The following MGAT4C variants were observed in gnomAD, a reference collection of about 807,000 sequenced individuals.
MGAT4C encodes MGAT4 family member C.
Under a neutral mutation model 40.1 loss-of-function variants are expected in MGAT4C, and 19 were observed. That is an observed-to-expected ratio of 0.47 (90% confidence interval 0.33 to 0.70). The LOEUF is 0.70. Among genes scored for constraint, MGAT4C ranks in the 30% least tolerant of loss-of-function variants. The pLI, the probability that MGAT4C is intolerant of heterozygous loss-of-function variation, is 0.02. For synonymous variants in MGAT4C, 181 were observed against 187.1 expected (o/e 0.97, Z 0.27); for missense variants, 491 against 563.2 (o/e 0.87, Z 1.30).
At chr12:86,012,122 T>G (rs1391613453) in intron 2 of MGAT4C, among the ~76,000 whole-genome samples, 1 of 152,244 alleles carries the variant, frequency 6.6e-6, no homozygotes, top group Non-Finnish European at 1.5e-5. Context: ...TTGAGTGAAC[T>G]ATTTCTCAGG....
At chr12:86,199,874 AAT>A (rs1949974239) in intron 1 of MGAT4C, among the ~76,000 whole-genome samples, 1 of 152,144 alleles carries the variant, frequency 6.6e-6, no homozygotes, top group Admixed American at 6.5e-5. Context: ...TTTATAAATT[AAT>A]GTTAATATTT....
chr12:86,566,748 C>G (rs1459759497), intron 2 of MGAT4C, among the ~76,000 whole-genome samples: 1 of 138,754 alleles, frequency 7.2e-6, no homozygotes, highest in Non-Finnish European at 1.5e-5. Context: ...TACAATGTAT[C>G]TGTGTGTGTG....
intron 1 of MGAT4C, among the ~76,000 whole-genome samples, chr12:86,173,144 C>A (rs757577058): frequency 6.6e-6 from 1 of 152,088 alleles, no homozygotes; most frequent in South Asian, 2.1e-4. Context: ...GGCAAGAGAC[C>A]GAATAACCTA....
intron 4 of MGAT4C, among the ~76,000 whole-genome samples, chr12:86,281,256 A>C (rs1252556216): frequency 1.3e-5 from 2 of 152,010 alleles, no homozygotes; most frequent in Non-Finnish European, 2.9e-5. Flanking sequence ...TTACATTGGT[A>C]TACTTTCATT....
intron 1 of MGAT4C, among the ~76,000 whole-genome samples, chr12:86,181,608 G>T (rs1416745040): frequency 1.3e-5 from 2 of 152,044 alleles, no homozygotes; most frequent in Non-Finnish European, 2.9e-5. Flanking sequence ...ACTTATGTAA[G>T]CAATTCTACA....
In MGAT4C at chr12:86,003,973, TTAAGA is replaced by T. The variant is rs1287291007; in HGVS notation, c.-6-14426_-6-14422del. On this transcript the variant is annotated intron_variant, in intron 2 of 4. Coordinates refer to ENST00000611864, the MANE Select transcript of MGAT4C (RefSeq NM_001351288.2). ...AACCTTTACCATTGGCCTTGATTAT[TTAAGA>T]GAACTGAGAGCTTGCAATTTAAAAG... 5.8e-4 allele frequency among the ~76,000 whole-genome samples: 89 copies of T among 152,292 alleles called. 1 individual carries two copies. Among genetic ancestry groups the T allele is most frequent in the Non-Finnish European group, 8.8e-5 (6 of 68,014 alleles).
chr12:86,505,156 T>C (rs1456461369), intron 2 of MGAT4C, among the ~76,000 whole-genome samples: 1 of 152,084 alleles, frequency 6.6e-6, no homozygotes, highest in Admixed American at 6.6e-5. Flanking sequence ...AATCTAATTC[T>C]GAACCTTTCT....
chr12:86,736,360 A>T (rs1327720742), intron 1 of MGAT4C, among the ~76,000 whole-genome samples: 1 of 151,786 alleles, frequency 6.6e-6, no homozygotes, highest in Non-Finnish European at 1.5e-5. Flanking sequence ...CTGAAACCTT[A>T]CCACTTTTCT....
intron 2 of MGAT4C, among the ~76,000 whole-genome samples, chr12:86,726,837 G>A (rs1950829414): frequency 1.3e-5 from 2 of 152,060 alleles, no homozygotes; most frequent in African/African-American, 2.4e-5. Flanking sequence ...GTCCACAAAG[G>A]TGTAAATTTT....
At chr12:86,689,947 G>A (rs1422465913) in intron 2 of MGAT4C, among the ~76,000 whole-genome samples, 6 of 152,202 alleles carry the variant, frequency 3.9e-5, no homozygotes. Context: ...CTGTCCCAGG[G>A]GGATGGGAGT....
At chr12:86,185,939 G>T (rs1888709795) in intron 1 of MGAT4C, among the ~76,000 whole-genome samples, 1 of 151,892 alleles carries the variant, frequency 6.6e-6, no homozygotes, top group Non-Finnish European at 1.5e-5. Flanking sequence ...AAAAAAAAAT[G>T]GCATTAAGGA....
In MGAT4C at chr12:86,093,359, T is replaced by G. The variant is rs115056202; in HGVS notation, c.-56-43636A>C. Among the ~76,000 whole-genome samples the G allele has an allele frequency of 9.1e-4, 138 of 152,252 alleles. 1 individual carries two copies. The highest frequency in any genetic ancestry group is 3.2e-3 in the African/African-American group (134 of 41,554). On this transcript the variant is annotated intron_variant, in intron 1 of 4. Coordinates refer to ENST00000611864, the MANE Select transcript of MGAT4C (RefSeq NM_001351288.2). ...AGCAACTTTCTCTCTTAACCCAGGA[T>G]TCTATCTAATACTTTGACAGTATGC...
chr12:86,580,054 T>C (rs189447379), intron 2 of MGAT4C, among the ~76,000 whole-genome samples: 1 of 151,574 alleles, frequency 6.6e-6, no homozygotes. Context: ...TGGTCTATAA[T>C]CTTCTTGTAC....
chr12:86,125,594 A>C (rs2135696228), intron 1 of MGAT4C, among the ~76,000 whole-genome samples: 1 of 152,322 alleles, frequency 6.6e-6, no homozygotes, highest in African/African-American at 2.4e-5. Context: ...ATATGAAAAC[A>C]AAGAGACTAC....
At chr12:86,361,241 T>C (rs899680662) in intron 3 of MGAT4C, among the ~76,000 whole-genome samples, 2 of 152,108 alleles carry the variant, frequency 1.3e-5, no homozygotes, top group African/African-American at 4.8e-5. Flanking sequence ...GGGGAAAGGG[T>C]TCCCTATTTA....
At chr12:86,430,181 A>T (rs1957005544) in intron 3 of MGAT4C, among the ~76,000 whole-genome samples, 1 of 152,048 alleles carries the variant, frequency 6.6e-6, no homozygotes, top group Non-Finnish European at 1.5e-5. Context: ...ACTACATTTT[A>T]TATTCATATT....
chr12:86,346,893 T>C (rs902204422), intron 3 of MGAT4C, among the ~76,000 whole-genome samples: 1 of 152,178 alleles, frequency 6.6e-6, no homozygotes, highest in Non-Finnish European at 1.5e-5. Flanking sequence ...ATAAGCAGAC[T>C]TGCTGTGTCT....
intron 1 of MGAT4C, among the ~76,000 whole-genome samples, chr12:86,128,995 A>G (rs1880755980): frequency 6.6e-6 from 1 of 152,000 alleles, no homozygotes; most frequent in Non-Finnish European, 1.5e-5. Flanking sequence ...ATTTGGGTTT[A>G]CTTCTAGGTT....
intron 3 of MGAT4C, among the ~76,000 whole-genome samples, chr12:86,372,918 A>T (rs1470207862): frequency 6.6e-6 from 1 of 151,498 alleles, no homozygotes; most frequent in Non-Finnish European, 1.5e-5. Flanking sequence ...ATATTGTTAA[A>T]CCACCTCAAA....
Sources: gnomAD v4.1 joint callset for allele counts (sites outside exome capture counted in the v4.1 genomes callset) on GRCh38, gnomAD v4.1.1 for gene constraint, MANE v1.5 for transcripts, NCBI Gene and HGNC (gene_info 2026-07-23, HGNC 2026-07-21) for gene names.